Variants in GNAQ observed in about 807,000 individuals in gnomAD.
The protein encoded by GNAQ is guanine nucleotide-binding protein G(q) subunit alpha.
In GNAQ, 8 loss-of-function variants were observed where a neutral mutation model predicts 43.9. The observed-to-expected ratio is 0.18, with a 90% CI of 0.11 to 0.33. The LOEUF (loss-of-function observed/expected upper bound fraction) is 0.33, where lower values mean the gene tolerates loss of function less well. GNAQ is among the 10% of genes least tolerant of loss of function. The pLI, the probability that GNAQ is intolerant of heterozygous loss-of-function variation, is 1.00. For missense variants in GNAQ, 158 were observed against 450.8 expected, an observed-to-expected ratio of 0.35 and a Z score of 5.88; for synonymous variants, 155 against 170.7, an observed-to-expected ratio of 0.91 and a Z score of 0.71.
At chr9:77,858,749 C>T (rs902106788) in intron 2 of GNAQ, among the ~76,000 whole-genome samples, 2 of 151,896 alleles carry the variant, frequency 1.3e-5, no homozygotes, top group African/African-American at 4.8e-5. Flanking sequence ...CCATGCCCAG[C>T]CCACTACTTC....
At chr9:77,796,934 T>G (rs1217734711) in intron 4 of GNAQ, among the ~76,000 whole-genome samples, 1 of 152,232 alleles carries the variant, frequency 6.6e-6, no homozygotes, top group East Asian at 1.9e-4. Context: ...ACCAATGGTT[T>G]ACTAACCGAT....
At chr9:77,953,879 G>C (rs544319860) in intron 1 of GNAQ, among the ~76,000 whole-genome samples, 1 of 152,076 alleles carries the variant, frequency 6.6e-6, no homozygotes, top group Non-Finnish European at 1.5e-5. Flanking sequence ...TGCCAGCACA[G>C]ACAATTTGGC....
chr9:77,954,506 G>A (rs192370829), intron 1 of GNAQ, among the ~76,000 whole-genome samples: 8 of 152,276 alleles, frequency 5.3e-5, no homozygotes, highest in South Asian at 2.1e-4. Flanking sequence ...AAAGAGTCAC[G>A]CTGTTGGGCA....
chr9:77,916,223 C>T (rs1828901604), intron 2 of GNAQ, among the ~76,000 whole-genome samples: 1 of 152,132 alleles, frequency 6.6e-6, no homozygotes. Flanking sequence ...CTGTTGCTTG[C>T]AAGCAGAGAA....
chr9:77,936,709 C>A (rs762518705), intron 1 of GNAQ, among the ~76,000 whole-genome samples: 3 of 152,096 alleles, frequency 2.0e-5, no homozygotes, highest in Non-Finnish European at 4.4e-5. Flanking sequence ...ACACCCATAC[C>A]CCCGCACTCA....
chr9:77,779,934 C>T (rs1016446626), intron 5 of GNAQ, among the ~76,000 whole-genome samples: 4 of 151,874 alleles, frequency 2.6e-5, no homozygotes, highest in South Asian at 2.1e-4. Flanking sequence ...TTAACCTTCC[C>T]GAACAGTAAA....
intron 2 of GNAQ, among the ~76,000 whole-genome samples, chr9:77,840,256 A>G (rs1446852580): frequency 1.3e-5 from 2 of 152,204 alleles, no homozygotes; most frequent in Non-Finnish European, 1.5e-5. Context: ...TCAAAAAACA[A>G]TGAATGAATT....
At chr9:77,996,795 C>A in intron 1 of GNAQ, among the ~76,000 whole-genome samples, 1 of 151,848 alleles carries the variant, frequency 6.6e-6, no homozygotes, top group African/African-American at 2.4e-5. Flanking sequence ...AATTTTGTAA[C>A]CCTTATATTT....
At chr9:77,831,589 C>G (rs1434446431) in intron 2 of GNAQ, among the ~76,000 whole-genome samples, 3 of 152,174 alleles carry the variant, frequency 2.0e-5, no homozygotes, top group African/African-American at 7.2e-5. Flanking sequence ...GACCAGATGA[C>G]ATACGCTTTC....
chr9:77,933,530 A>G (rs1829183895), intron 1 of GNAQ, among the ~76,000 whole-genome samples: 1 of 152,128 alleles, frequency 6.6e-6, no homozygotes, highest in African/African-American at 2.4e-5. Context: ...CTGTGGTCCC[A>G]GACACTCGGG....
intron 5 of GNAQ, among the ~76,000 whole-genome samples, chr9:77,786,197 G>A (rs993995014): frequency 6.6e-6 from 1 of 151,986 alleles, no homozygotes; most frequent in Non-Finnish European, 1.5e-5. Context: ...CTAACACGGT[G>A]AAACCCAGTC....
chr9:77,719,848 A>T lies in GNAQ; in HGVS notation c.*1475T>A. The T allele has an allele frequency of 4.3e-6, 1 of 232,634 alleles. No individual in the cohort carries two copies. Among genetic ancestry groups the T allele is most frequent in the Non-Finnish European group, 8.5e-6 (1 of 117,686 alleles). The allele number at this position is 232,634 out of a possible 1,614,324, so 14.4% of individuals were successfully genotyped here. A position where few individuals can be genotyped will look rare whatever the true frequency, so the allele number is the denominator to read the frequency against. ...ATAGAACACTGAGAGGTTACTTTTG[A>T]GTTAAGTCCACAAATCTTCCATAAG... On this transcript the variant is annotated 3_prime_UTR_variant, in exon 7 of 7. Coordinates refer to ENST00000286548, the MANE Select transcript of GNAQ (RefSeq NM_002072.5).
rs761559926 is a variant in GNAQ at position 77,794,454 on chromosome 9, AAC to A, written c.735+7_735+8del. On this transcript the variant is annotated splice_region_variant and intron_variant, in intron 5 of 6. Coordinates refer to ENST00000286548, the MANE Select transcript of GNAQ (RefSeq NM_002072.5). ...ATGATAATCCATTGCCTGTCTAAAGAACACTTACCTCATTGTCTGACTCCACG... is the reference window on the plus strand; with the variant it reads ...ATGATAATCCATTGCCTGTCTAAAGAACTTACCTCATTGTCTGACTCCACG... The A allele has an allele frequency of 2.5e-5, 40 of 1,575,738 alleles. No individual in the cohort carries two copies. In the South Asian group the frequency reaches 4.6e-4, roughly 18 times the overall value.
chr9:78,000,564 T>C (rs1299778077), intron 1 of GNAQ, among the ~76,000 whole-genome samples: 2 of 152,142 alleles, frequency 1.3e-5, no homozygotes, highest in Non-Finnish European at 1.5e-5. Flanking sequence ...GGAAAATGAA[T>C]ATAAAATTAT....
intron 2 of GNAQ, among the ~76,000 whole-genome samples, chr9:77,828,091 A>AAAAAG (rs1827233602): frequency 6.8e-6 from 1 of 146,216 alleles, no homozygotes; most frequent in Non-Finnish European, 1.5e-5. Context: ...AAAAAAAAAA[A>AAAAAG]AAGAAGGGGC....
rs1178927143 is a variant in GNAQ, at chr9:77,762,452, CCGCCCCA to C, written c.735+32004_735+32010del. On this transcript the variant is annotated intron_variant, in intron 5 of 6. Transcript: ENST00000286548. ...GGGGGTCAGCCCCCCGCCTGGCCAG[CCGCCCCA>C]TCCGGGAGGGAGGTGGGGGGGTCAG... Among the ~76,000 whole-genome samples the C allele has an allele frequency of 2.3e-3, 319 of 139,226 alleles. 15 individuals carry two copies. Among genetic ancestry groups the C allele is most frequent in the African/African-American group, 8.3e-3 (296 of 35,598 alleles). The allele number at this position is 139,226 out of a possible 152,430, so 91.3% of individuals were successfully genotyped here.
Position 77,797,666 on chromosome 9 carries a change from C to T in GNAQ, c.477-18G>A, listed in dbSNP as rs2118457094. Reference sequence around the variant, plus strand: ...TAAGATAGCTAGAGGAGGGAAGACACAATGAGAATGTCAGTGACACCATCA... The same window carrying T: ...TAAGATAGCTAGAGGAGGGAAGACATAATGAGAATGTCAGTGACACCATCA... On this transcript the variant is annotated intron_variant, in intron 3 of 6. Coordinates refer to ENST00000286548, the MANE Select transcript of GNAQ (RefSeq NM_002072.5). 1 of 1,610,552 alleles carries T rather than the reference C, an allele frequency of 6.2e-7. No homozygotes were observed. The highest frequency in any genetic ancestry group is 8.5e-7 in the Non-Finnish European group (1 of 1,177,854).
chr9:77,730,606 CATAG>C (rs1227720844), intron 5 of GNAQ, among the ~76,000 whole-genome samples: 6 of 152,140 alleles, frequency 3.9e-5, no homozygotes, highest in African/African-American at 1.2e-4. Context: ...CCAACAATTG[CATAG>C]ATAATTAAAA....
chr9:78,004,803 G>C lies in GNAQ; in HGVS notation c.136+26297C>G, dbSNP rs572203689. Among the ~76,000 whole-genome samples the C allele has an allele frequency of 2.1e-4, 32 of 152,154 alleles. No individual in the cohort carries two copies. In the South Asian group the frequency reaches 2.7e-3, roughly 13 times the overall value. On this transcript the variant is annotated intron_variant, in intron 1 of 6. Transcript: ENST00000286548. ...TGAAACACGGTAGGATTTGCACAGA[G>C]AGCGATGGAGGAAAAAGCATCCTAG...
Sources: gnomAD v4.1 joint callset for allele counts (sites outside exome capture counted in the v4.1 genomes callset) on GRCh38, gnomAD v4.1.1 for gene constraint, MANE v1.5 for transcripts, NCBI Gene and HGNC (gene_info 2026-07-23, HGNC 2026-07-21) for gene names.